CTSC: variants seen among roughly 807,000 people sequenced by gnomAD.
CTSC encodes the protein dipeptidyl peptidase 1.
In CTSC, 37 loss-of-function variants were observed where a neutral mutation model predicts 40.9. The ratio of observed to expected loss-of-function variants is 0.91; its 90% CI spans 0.70 to 1.19. The LOEUF (loss-of-function observed/expected upper bound fraction) is 1.19, where lower values mean the gene tolerates loss of function less well. Ranked by LOEUF, CTSC falls within the 50% of genes most tolerant of loss-of-function variation. The pLI is 0.00. For synonymous variants in CTSC, 232 were observed against 207.4 expected (o/e 1.12, Z -1.02); for missense variants, 594 against 567.3 (o/e 1.05, Z -0.48).
chr11:88,327,674 C>T (rs138399818), intron 2 of CTSC, among the ~76,000 whole-genome samples: 20 of 152,140 alleles, frequency 1.3e-4, no homozygotes, highest in African/African-American at 3.6e-4. Context: ...GTAAAAGCCA[C>T]CTTCTCTGTG....
chr11:88,317,535 G>A (rs1459691995), intron 2 of CTSC, among the ~76,000 whole-genome samples: 1 of 152,118 alleles, frequency 6.6e-6, no homozygotes, highest in Non-Finnish European at 1.5e-5. Flanking sequence ...TAAAAGAGAG[G>A]CATTTACCAG....
intron 2 of CTSC, among the ~76,000 whole-genome samples, chr11:88,331,028 C>A (rs1053192678): frequency 6.6e-6 from 1 of 152,164 alleles, no homozygotes; most frequent in Non-Finnish European, 1.5e-5. Context: ...AAGCAGGAGC[C>A]TAAAAGAATG....
intron 3 of CTSC, among the ~76,000 whole-genome samples, chr11:88,310,688 A>C (rs1453638989): frequency 6.6e-6 from 1 of 152,174 alleles, no homozygotes; most frequent in Non-Finnish European, 1.5e-5. Context: ...AGTGTGAAAA[A>C]CCCAGAGACG....
intron 4 of CTSC, among the ~76,000 whole-genome samples, chr11:88,303,261 G>A (rs563838570): frequency 6.6e-6 from 1 of 152,128 alleles, no homozygotes; most frequent in Non-Finnish European, 1.5e-5. Flanking sequence ...TACTAGCTGG[G>A]TGTCCTCCAA....
chr11:88,327,967 AG>A (rs1365202737), intron 2 of CTSC: 4 of 691,160 alleles, frequency 5.8e-6, no homozygotes, highest in Non-Finnish European at 1.1e-5. Flanking sequence ...GCAGACAAGC[AG>A]GCTCAAGCAA....
At position 88,294,170 on chromosome 11, in the gene CTSC, C is replaced by G. The variant is rs1944272356; in HGVS notation, c.1228G>C (p.Val410Leu). ...FELTNHAVLL[V>L]GYGTDSASGM... ...GAGGCTGAGTCAGTGCCATAGCCCA[C>G]AAGCAGAACAGCATGATTAGTCAGC... The change falls in exon 7 of 7, where the codon GTG (valine) becomes CTG (leucine). Residue 410 changes from valine to leucine, a missense_variant. Coordinates refer to ENST00000227266, the MANE Select transcript of CTSC (RefSeq NM_001814.6). 4 of 1,613,774 alleles carry G rather than the reference C, an allele frequency of 2.5e-6. No homozygotes were observed. The highest frequency in any genetic ancestry group is 3.4e-6 in the Non-Finnish European group (4 of 1,179,992).
Position 88,296,204 on chromosome 11 carries a change from A to G in CTSC, c.818T>C (p.Ile273Thr), listed in dbSNP as rs1169442770. ...TGGGGTCTGAGAATTGTTGGTTAGTATACGGATTCTCGCTTCTAGCATACC... is the reference window on the plus strand; with the variant it reads ...TGGGGTCTGAGAATTGTTGGTTAGTGTACGGATTCTCGCTTCTAGCATACC... ...SMGMLEARIR[I>T]LTNNSQTPIL... Residue 273 changes from isoleucine (I) to threonine (T), a missense_variant, in exon 6 of 7, where the codon ATA becomes ACA. Ile to Thr is a moderately conservative substitution (Grantham distance 89). Transcript: ENST00000227266. The G allele has an allele frequency of 6.2e-7, 1 of 1,613,952 alleles. No individual in the cohort carries two copies. The highest frequency in any genetic ancestry group is 1.3e-5 in the African/African-American group (1 of 74,922).
intron 2 of CTSC, chr11:88,327,912 A>C: frequency 1.7e-6 from 1 of 593,994 alleles, no homozygotes; most frequent in Non-Finnish European, 3.0e-6. Flanking sequence ...AACATAATAA[A>C]GTAGAAAATT....
At position 88,337,606 on chromosome 11, in the gene CTSC, G is replaced by A. The variant is rs1938539717; in HGVS notation, c.67C>T (p.Arg23Cys). 3.2e-6 allele frequency: 5 copies of A among 1,580,292 alleles called. No individual in the cohort carries two copies. The East Asian group carries it at 1.2e-4, about 37-fold the overall frequency. Reference sequence around the variant, plus strand: ...GTGCAGTTGGCAGGTGTGTCGCAGCGCACGGCGCCGTCGCCGGAGAGAAGC... The same window carrying A: ...GTGCAGTTGGCAGGTGTGTCGCAGCACACGGCGCCGTCGCCGGAGAGAAGC... The part of the protein sequence containing the change: ...LLLLSGDGAV[R>C]CDTPANCTYL... Residue 23 changes from arginine to cysteine, a missense_variant, in exon 1 of 7, where the codon CGC (arginine) becomes TGC (cysteine). Arg to Cys is a radical substitution (Grantham distance 180). Coordinates refer to ENST00000227266, the MANE Select transcript of CTSC (RefSeq NM_001814.6).
intron 2 of CTSC, chr11:88,323,308 A>G (rs1057319012): frequency 1.3e-5 from 2 of 152,198 alleles, no homozygotes; most frequent in South Asian, 4.1e-4. Context: ...CCCACAGATA[A>G]TATCATACTG....
At chr11:88,308,493 T>G (rs1591227427) in intron 4 of CTSC, among the ~76,000 whole-genome samples, 1 of 151,618 alleles carries the variant, frequency 6.6e-6, no homozygotes, top group East Asian at 1.9e-4. Context: ...TTATTTTATT[T>G]TATCTTACCT....
At position 88,329,433 on chromosome 11, in the gene CTSC, GA is replaced by G. The variant is rs1443937103; in HGVS notation, c.318+5503del. On this transcript the variant is annotated intron_variant, in intron 2 of 6. Transcript: ENST00000227266. ...GGAGGTGGAAGGAGCGAGGGCCTGG[GA>G]GACAGAGCTAGACTCCATTTCAAAA... 4.0e-5 allele frequency among the ~76,000 whole-genome samples: 5 copies of G among 123,990 alleles called. No individual in the cohort carries two copies. In the Admixed American group the frequency reaches 5.2e-4, roughly 13 times the overall value. 81.3% of individuals were successfully genotyped at this position (123,990 alleles called of 152,430 possible). A position where few individuals can be genotyped will look rare whatever the true frequency, so the allele number is the denominator to read the frequency against.
intron 1 of CTSC, among the ~76,000 whole-genome samples, chr11:88,335,397 C>T (rs1364773507): frequency 6.6e-6 from 1 of 152,050 alleles, no homozygotes; most frequent in African/African-American, 2.4e-5. Context: ...TAGTGAGACC[C>T]TGTCTCTACA....
chr11:88,334,907 A>G (rs753225876), intron 2 of CTSC, 30 bp downstream of exon 2: 2 of 1,550,280 alleles, frequency 1.3e-6, no homozygotes, highest in Non-Finnish European at 1.8e-6. Context: ...AATCATTGAA[A>G]ATGTAAATCC....
At chr11:88,296,955 A>C (rs1944305208) in intron 5 of CTSC, 1 of 153,680 alleles carries the variant, frequency 6.5e-6, no homozygotes, top group East Asian at 1.9e-4. Context: ...AGATTATCTA[A>C]ATTATGAAGA....
intron 2 of CTSC, among the ~76,000 whole-genome samples, chr11:88,332,226 A>G (rs1296627280): frequency 1.3e-5 from 2 of 152,220 alleles, no homozygotes; most frequent in East Asian, 3.8e-4. Context: ...CTCTTTGAAT[A>G]GCAAATACTA....
Position 88,296,260 on chromosome 11 carries a change from G to C in CTSC, c.762C>G (p.Ser254=), listed in dbSNP as rs769836358. ...NFVSPVRNQA[S]CGSCYSFASM... ...AAGCAAATGAGTAGCAGCTGCCACA[G>C]GATGCTGGCGATGAAAAAAAGACAC... The change falls in exon 6 of 7, where the codon TCC becomes TCG. Residue 254 remains serine (S), a synonymous_variant. Coordinates refer to ENST00000227266, the MANE Select transcript of CTSC (RefSeq NM_001814.6). The C allele has an allele frequency of 1.2e-6, 2 of 1,613,712 alleles. No homozygotes were observed. Among genetic ancestry groups the C allele is most frequent in the South Asian group, 2.2e-5 (2 of 91,050 alleles).
At chr11:88,312,846 T>C (rs1280583806) in intron 2 of CTSC, among the ~76,000 whole-genome samples, 2 of 152,148 alleles carry the variant, frequency 1.3e-5, no homozygotes, top group Admixed American at 6.5e-5. Context: ...TCTGGCATAT[T>C]CAAGGCATTT....
rs747048033 is a variant in CTSC at position 88,294,513 on chromosome 11, A to G, written c.890-5T>C. 7 of 1,614,026 alleles carry G rather than the reference A, an allele frequency of 4.3e-6. No individual in the cohort carries two copies. The highest frequency in any genetic ancestry group is 5.1e-6 in the Non-Finnish European group (6 of 1,180,016). On this transcript the variant is annotated splice_region_variant and splice_polypyrimidine_tract_variant and intron_variant, in intron 6 of 6. Coordinates refer to ENST00000227266, the MANE Select transcript of CTSC (RefSeq NM_001814.6). ...ATGGGAAGCCGCCTTCACAGCCTGA[A>G]GATGAATAACACACATGGTTACCCC... is the stretch of plus-strand genomic sequence containing the variant.
Sources: allele counts gnomAD v4.1 joint callset (sites outside exome capture counted in the v4.1 genomes callset), GRCh38; gene constraint gnomAD v4.1.1; transcripts MANE v1.5; gene names NCBI Gene and HGNC (gene_info 2026-07-23, HGNC 2026-07-21).